The following C12orf54 variants were observed in gnomAD, a reference collection of about 807,000 sequenced individuals.
C12orf54 encodes the protein uncharacterized protein C12orf54.
A neutral mutation model predicts 26.4 loss-of-function variants in C12orf54; 24 were observed. That is an observed-to-expected ratio of 0.91 (90% CI 0.66 to 1.28). C12orf54 has a LOEUF of 1.28. Among genes scored for constraint, C12orf54 ranks in the 50% most tolerant of loss-of-function variants. The pLI is 0.00. For synonymous variants in C12orf54, 54 were observed against 47.0 expected, an observed-to-expected ratio of 1.15 and a Z score of -0.61; for missense variants, 154 against 150.9, an observed-to-expected ratio of 1.02 and a Z score of -0.11.
At chr12:48,462,576 G>A in the C12orf54 span, among the ~76,000 whole-genome samples, 11 of 151,406 alleles carry the variant, frequency 7.3e-5, no homozygotes, top group Non-Finnish European at 1.5e-4. Flanking sequence ...TGCAACATTG[G>A]TTTAACATTC....
chr12:48,472,883 T>C, the C12orf54 span: 3 of 1,614,152 alleles, frequency 1.9e-6, no homozygotes, highest in Non-Finnish European at 2.5e-6. Context: ...AACTAAGCAG[T>C]AACAGAGCCT....
the C12orf54 span, among the ~76,000 whole-genome samples, chr12:48,434,146 C>A: frequency 1.3e-5 from 2 of 152,194 alleles, no homozygotes; most frequent in African/African-American, 4.8e-5. Context: ...GTCCTACACC[C>A]ATGGAGCCTC....
At chr12:48,423,873 T>C in the C12orf54 span, among the ~76,000 whole-genome samples, 10 of 152,086 alleles carry the variant, frequency 6.6e-5, no homozygotes, top group Non-Finnish European at 1.0e-4. Flanking sequence ...ACTACAGTCT[T>C]GAATAGAAGT....
chr12:48,425,222 C>T, the C12orf54 span, among the ~76,000 whole-genome samples: 4 of 151,996 alleles, frequency 2.6e-5, no homozygotes, highest in Non-Finnish European at 4.4e-5. Flanking sequence ...TTCTGATCCT[C>T]TCCCTCCACC....
chr12:48,426,978 AG>A, the C12orf54 span, among the ~76,000 whole-genome samples: 1 of 152,008 alleles, frequency 6.6e-6, no homozygotes, highest in Non-Finnish European at 1.5e-5. Context: ...GGAGCTTTTG[AG>A]CCATGCCCAT....
chr12:48,422,886 C>T, the C12orf54 span, among the ~76,000 whole-genome samples: 2 of 152,074 alleles, frequency 1.3e-5, no homozygotes, highest in African/African-American at 4.8e-5. Flanking sequence ...AAAAGGATCA[C>T]TAGTTAAAGC....
the C12orf54 span, chr12:48,472,658 G>A: frequency 7.7e-5 from 124 of 1,614,072 alleles, no homozygotes; most frequent in East Asian, 1.3e-4. Context: ...CAGAGAAAGC[G>A]TGAGAGATGG....
At chr12:48,458,536 TG>T in the C12orf54 span, among the ~76,000 whole-genome samples, 1 of 152,324 alleles carries the variant, frequency 6.6e-6, no homozygotes, top group African/African-American at 2.4e-5. Flanking sequence ...CAAACGTTAC[TG>T]TTAACTACAA....
chr12:48,438,578 C>T, the C12orf54 span, among the ~76,000 whole-genome samples: 2 of 152,170 alleles, frequency 1.3e-5, no homozygotes, highest in Admixed American at 1.3e-4. Context: ...TGTAACAGAA[C>T]AGAGCCCTCA....
At chr12:48,466,606 G>A in the C12orf54 span, among the ~76,000 whole-genome samples, 51 of 151,302 alleles carry the variant, frequency 3.4e-4, no homozygotes, top group South Asian at 1.3e-3. Flanking sequence ...TCGTTATTGC[G>A]GAAATGCAAA....
At chr12:48,444,772 C>T in the C12orf54 span, among the ~76,000 whole-genome samples, 1 of 152,290 alleles carries the variant, frequency 6.6e-6, no homozygotes, top group African/African-American at 2.4e-5. Context: ...CTGACTAGAT[C>T]TTTCCCAAAA....
chr12:48,423,480 C>T, the C12orf54 span, among the ~76,000 whole-genome samples: 1 of 151,798 alleles, frequency 6.6e-6, no homozygotes, highest in Admixed American at 6.6e-5. Flanking sequence ...AGATGGTTCG[C>T]AAAAAGTGAA....
At chr12:48,470,813 CT>C in the C12orf54 span, among the ~76,000 whole-genome samples, 1 of 151,404 alleles carries the variant, frequency 6.6e-6, no homozygotes, top group African/African-American at 2.4e-5. Flanking sequence ...TTTATTTATT[CT>C]TTTTTAATTT....
At chr12:48,454,436 GC>G in the C12orf54 span, among the ~76,000 whole-genome samples, 67 of 152,170 alleles carry the variant, frequency 4.4e-4, no homozygotes, top group African/African-American at 1.3e-3. Flanking sequence ...GATTGGACAG[GC>G]TGCATAGTCA....
At chr12:48,444,237 C>A in the C12orf54 span, among the ~76,000 whole-genome samples, 3 of 152,172 alleles carry the variant, frequency 2.0e-5, no homozygotes, top group Non-Finnish European at 4.4e-5. Flanking sequence ...TTCTTTTACT[C>A]ACCAGTGTAG....
At chr12:48,466,273 G>A in the C12orf54 span, among the ~76,000 whole-genome samples, 1 of 152,184 alleles carries the variant, frequency 6.6e-6, no homozygotes, top group Non-Finnish European at 1.5e-5. Flanking sequence ...ACTGGACGTG[G>A]TGGCTCATGC....
At chr12:48,471,872 CTG>C in the C12orf54 span, among the ~76,000 whole-genome samples, 1 of 151,508 alleles carries the variant, frequency 6.6e-6, no homozygotes, top group African/African-American at 2.4e-5. Context: ...TTTTCTAATT[CTG>C]TGATGGATGA....
At chr12:48,425,042 G>A in the C12orf54 span, among the ~76,000 whole-genome samples, 2 of 152,086 alleles carry the variant, frequency 1.3e-5, no homozygotes, top group Admixed American at 1.3e-4. Context: ...ATTATATGTA[G>A]GCTATATCTC....
chr12:48,476,416 G>A, the C12orf54 span, among the ~76,000 whole-genome samples: 1 of 152,114 alleles, frequency 6.6e-6, no homozygotes, highest in African/African-American at 2.4e-5. Context: ...AAATGTAAAT[G>A]GGCTAAATGC....
Sources: allele counts gnomAD v4.1 joint callset (sites outside exome capture counted in the v4.1 genomes callset), GRCh38; gene constraint gnomAD v4.1.1; transcripts MANE v1.5; gene names NCBI Gene and HGNC (gene_info 2026-07-23, HGNC 2026-07-21).